The following HK2 variants were observed in gnomAD, a reference collection of about 807,000 sequenced individuals.
HK2 encodes the protein hexokinase 2, also known as hexokinase-2.
In HK2, 42 loss-of-function variants were observed where a neutral mutation model predicts 92.9. That is an observed-to-expected ratio of 0.45 (90% confidence interval 0.35 to 0.58). The LOEUF (loss-of-function observed/expected upper bound fraction) is 0.58, where lower values mean the gene tolerates loss of function less well. Ranked by LOEUF, HK2 falls within the 20% of genes least tolerant of loss-of-function variation. The probability of loss-of-function intolerance (pLI) is 0.00; values close to 1 mark genes in which losing one functional copy is unlikely to be tolerated. For missense variants in HK2, 978 were observed against 1,245.1 expected (o/e 0.79, Z 3.23); for synonymous variants, 422 against 468.0 (o/e 0.90, Z 1.27).
At chr2:74,842,565 A>G (rs1688338995) in intron 1 of HK2, among the ~76,000 whole-genome samples, 1 of 152,182 alleles carries the variant, frequency 6.6e-6, no homozygotes. Context: ...ATAACTCCCA[A>G]GAGCTTCTTT....
chr2:74,850,568 G>A (rs547627028), intron 1 of HK2, among the ~76,000 whole-genome samples: 4 of 152,122 alleles, frequency 2.6e-5, no homozygotes, highest in African/African-American at 9.7e-5. Flanking sequence ...ATACTTTTCA[G>A]CTGCAGTCCC....
intron 2 of HK2, among the ~76,000 whole-genome samples, chr2:74,866,014 G>T (rs746310697): frequency 3.9e-5 from 6 of 152,090 alleles, no homozygotes; most frequent in Non-Finnish European, 8.8e-5. Flanking sequence ...CTGCTAAATA[G>T]TGGCCGGGGT....
intron 1 of HK2, among the ~76,000 whole-genome samples, chr2:74,842,281 G>A (rs911958253): frequency 6.6e-6 from 1 of 152,156 alleles, no homozygotes; most frequent in Non-Finnish European, 1.5e-5. Context: ...TACGCATTCA[G>A]TAGAACCTGT....
intron 12 of HK2, among the ~76,000 whole-genome samples, chr2:74,882,906 C>T (rs370144095): frequency 6.6e-6 from 1 of 151,840 alleles, no homozygotes; most frequent in Admixed American, 6.6e-5. Flanking sequence ...CATTTTCATG[C>T]CATATCCTGT....
At chr2:74,848,055 G>A (rs28362969) in intron 1 of HK2, among the ~76,000 whole-genome samples, 4,305 of 152,244 alleles carry the variant, frequency 0.028, 187 homozygotes, top group African/African-American at 0.098. Context: ...AATTTCCCAG[G>A]GTCTTAGGGG....
At position 74,869,533 on chromosome 2, in the gene HK2, T is replaced by TAA. The variant is rs1297225362; in HGVS notation, c.375+1751_375+1752dup. On this transcript the variant is annotated intron_variant, in intron 3 of 17. Coordinates refer to ENST00000290573, the MANE Select transcript of HK2 (RefSeq NM_000189.5). Reference sequence around the variant, plus strand: ...AACCTGGGCAATGGGGGTCCTTCGGTAAAGTCTGTCTTCCGGCACATTAAC... The same window carrying TAA: ...AACCTGGGCAATGGGGGTCCTTCGGTAAAAAGTCTGTCTTCCGGCACATTAAC... Among the ~76,000 whole-genome samples, 4 of 152,320 alleles carry TAA rather than the reference T, an allele frequency of 2.6e-5. No homozygotes were observed. The East Asian group carries it at 7.7e-4, about 29-fold the overall frequency.
At chr2:74,885,845 A>AACAC (rs71406901) in intron 13 of HK2, among the ~76,000 whole-genome samples, 10,120 of 129,044 alleles carry the variant, frequency 0.078, 409 homozygotes, top group East Asian at 0.11. Context: ...AGAGCTGTGA[A>AACAC]ACACACACAC....
intron 1 of HK2, among the ~76,000 whole-genome samples, chr2:74,837,370 A>G (rs1688192898): frequency 6.6e-6 from 1 of 152,198 alleles, no homozygotes; most frequent in South Asian, 2.1e-4. Flanking sequence ...CATCATGACC[A>G]CAGATGGAAC....
intron 1 of HK2, chr2:74,835,041 T>A: frequency 3.4e-6 from 1 of 295,382 alleles, no homozygotes; most frequent in Non-Finnish European, 6.6e-6. Flanking sequence ...GAATCGTGGC[T>A]GCGGGAGGCT....
Position 74,834,740 on chromosome 2 carries a change from C to A in HK2, c.63+97C>A. Reference sequence around the variant, plus strand: ...GACCCTGCGGGGACCCGCTTCCTCCCTACTCCGGGCCTGGGAGCGGAAAAA... The same window carrying A: ...GACCCTGCGGGGACCCGCTTCCTCCATACTCCGGGCCTGGGAGCGGAAAAA... On this transcript the variant is annotated intron_variant, in intron 1 of 17. Transcript: ENST00000290573. The surrounding 1 kb of genome is among the most constrained non-coding windows in gnomAD (Gnocchi z 4.2). 7.2e-7 allele frequency: 1 copy of A among 1,390,892 alleles called. No homozygotes were observed. The highest frequency in any genetic ancestry group is 1.0e-6 in the Non-Finnish European group (1 of 979,546). 86.2% of individuals were successfully genotyped at this position (1,390,892 alleles called of 1,614,324 possible). A position where few individuals can be genotyped will look rare whatever the true frequency, so the allele number is the denominator to read the frequency against.
intron 1 of HK2, among the ~76,000 whole-genome samples, chr2:74,836,789 A>T (rs1688177176): frequency 6.6e-6 from 1 of 152,232 alleles, no homozygotes; most frequent in Non-Finnish European, 1.5e-5. Context: ...CTGAGCTGCC[A>T]TTGGAAAGAA....
At chr2:74,844,823 CAG>C (rs1298340800) in intron 1 of HK2, among the ~76,000 whole-genome samples, 8 of 152,362 alleles carry the variant, frequency 5.3e-5, no homozygotes, top group African/African-American at 1.2e-4. Flanking sequence ...AGGCCCGACA[CAG>C]AGCACCTGGT....
chr2:74,835,696 C>T (rs1189220649), intron 1 of HK2, among the ~76,000 whole-genome samples: 4 of 152,160 alleles, frequency 2.6e-5, no homozygotes, highest in Non-Finnish European at 4.4e-5. Flanking sequence ...GGGATTGGCT[C>T]CTGGCCCGGG....
At chr2:74,872,258 G>A (rs1046725878) in intron 3 of HK2, 42 bp from the exon 4 acceptor site, 1 of 1,611,928 alleles carries the variant, frequency 6.2e-7, no homozygotes, top group South Asian at 1.1e-5. Flanking sequence ...TCTCTATGCT[G>A]TTCGACCTCT....
chr2:74,834,546 G>C lies in HK2; in HGVS notation c.-35G>C, dbSNP rs909713116. 5 of 1,611,984 alleles carry C rather than the reference G, an allele frequency of 3.1e-6. No individual in the cohort carries two copies. The highest frequency in any genetic ancestry group is 3.4e-6 in the Non-Finnish European group (4 of 1,178,306). ...GCCTCCCCTCTCGCGTCTCCGCCTC[G>C]GTTTCCCAACTCTGCGCCGTCGGGC... On this transcript the variant is annotated 5_prime_UTR_variant, in exon 1 of 18. Coordinates refer to ENST00000290573, the MANE Select transcript of HK2 (RefSeq NM_000189.5). The surrounding 1 kb of genome is among the most constrained non-coding windows in gnomAD (Gnocchi z 4.2).
intron 16 of HK2, 82 bp downstream of exon 16, chr2:74,888,140 C>T: frequency 6.9e-7 from 1 of 1,447,396 alleles, no homozygotes; most frequent in Non-Finnish European, 9.7e-7. Flanking sequence ...TTCCATAACT[C>T]AGGGCATGAC....
intron 1 of HK2, among the ~76,000 whole-genome samples, chr2:74,844,442 A>G (rs1306640020): frequency 6.6e-6 from 1 of 152,202 alleles, no homozygotes; most frequent in Non-Finnish European, 1.5e-5. Flanking sequence ...TTGAAAATGG[A>G]GGAAAGCACT....
intron 4 of HK2, among the ~76,000 whole-genome samples, chr2:74,872,977 T>C (rs1320128537): frequency 6.6e-6 from 1 of 152,258 alleles, no homozygotes; most frequent in Non-Finnish European, 1.5e-5. Flanking sequence ...TGTAACACAG[T>C]GATATCTGTG....
At chr2:74,865,663 T>C (rs917534038) in intron 2 of HK2, among the ~76,000 whole-genome samples, 2 of 152,008 alleles carry the variant, frequency 1.3e-5, no homozygotes, top group African/African-American at 2.4e-5. Flanking sequence ...CAGCTGTAGC[T>C]AGTGGTGGGG....
Sources: gnomAD v4.1 joint callset for allele counts (sites outside exome capture counted in the v4.1 genomes callset) on GRCh38, gnomAD v4.1.1 for gene constraint, Gnocchi (gnomAD v3.1) non-coding constraint, MANE v1.5 for transcripts, NCBI Gene and HGNC (gene_info 2026-07-23, HGNC 2026-07-21) for gene names.